SDK2: variants seen among roughly 807,000 people sequenced by gnomAD.
SDK2 encodes sidekick cell adhesion molecule 2.
SDK2 carries 105 observed loss-of-function variants against 253.9 expected under a neutral mutation model. The ratio of observed to expected loss-of-function variants is 0.41; its 90% CI spans 0.35 to 0.49. The LOEUF (loss-of-function observed/expected upper bound fraction) is 0.49, where lower values mean the gene tolerates loss of function less well. SDK2 is among the 20% of genes least tolerant of loss of function. The pLI is 0.06. For missense variants in SDK2, 2,608 were observed against 3,003.0 expected, an observed-to-expected ratio of 0.87 and a Z score of 3.07; for synonymous variants, 1,249 against 1,234.9, an observed-to-expected ratio of 1.01 and a Z score of -0.24.
At chr17:73,554,303 C>T (rs2045110176) in intron 1 of SDK2, among the ~76,000 whole-genome samples, 1 of 152,182 alleles carries the variant, frequency 6.6e-6, no homozygotes, top group African/African-American at 2.4e-5. Flanking sequence ...AAACTTCCTG[C>T]CCCCAAAATT....
rs1388245239 is a variant in SDK2 at position 73,470,469 on chromosome 17, C to A, written c.331+1643G>T. On this transcript the variant is annotated intron_variant, in intron 3 of 44. Coordinates refer to ENST00000392650, the MANE Select transcript of SDK2 (RefSeq NM_001144952.2). ...CACATATGCAGTCTCTCTAGAGGCCCAGCCTCAGCTTCCCCCTGCCCCCTG... is the reference window on the plus strand; with the variant it reads ...CACATATGCAGTCTCTCTAGAGGCCAAGCCTCAGCTTCCCCCTGCCCCCTG... 4.3e-4 allele frequency among the ~76,000 whole-genome samples: 66 copies of A among 152,214 alleles called. 1 individual carries two copies. Among genetic ancestry groups the A allele is most frequent in the Admixed American group, 4.3e-3 (66 of 15,284 alleles).
chr17:73,354,810 T>G (rs1292593545), intron 40 of SDK2, among the ~76,000 whole-genome samples: 1 of 152,068 alleles, frequency 6.6e-6, no homozygotes, highest in African/African-American at 2.4e-5. Flanking sequence ...TTCTGCACCC[T>G]CTGGTTGAAG....
chr17:73,503,410 T>C (rs141504884), intron 2 of SDK2, among the ~76,000 whole-genome samples: 71 of 152,348 alleles, frequency 4.7e-4, no homozygotes, highest in African/African-American at 1.6e-3. Flanking sequence ...TGAAGTGACA[T>C]GATGTCTACA....
chr17:73,529,533 C>A (rs78340981), intron 1 of SDK2, among the ~76,000 whole-genome samples: 8,790 of 152,150 alleles, frequency 0.058, 737 homozygotes, highest in African/African-American at 0.19. Context: ...AGAATGGGAC[C>A]TTAATTTGGA....
intron 2 of SDK2, among the ~76,000 whole-genome samples, chr17:73,480,081 C>T (rs2063711876): frequency 6.6e-6 from 1 of 152,184 alleles, no homozygotes; most frequent in Non-Finnish European, 1.5e-5. Context: ...AGGACTTTAA[C>T]GTATCCACTC....
chr17:73,377,072 C>CCTGTGGGATGAGGTGCCTTG (rs1568371968), intron 36 of SDK2, among the ~76,000 whole-genome samples: 2 of 152,284 alleles, frequency 1.3e-5, no homozygotes, highest in East Asian at 3.9e-4. Flanking sequence ...CTACTCCCCA[C>CCTGTGGGATGAGGTGCCTTG]TTAAGCCATG....
intron 2 of SDK2, among the ~76,000 whole-genome samples, chr17:73,479,995 A>G (rs868315009): frequency 2.6e-5 from 4 of 152,178 alleles, no homozygotes; most frequent in South Asian, 2.1e-4. Context: ...ACCTGACCTA[A>G]GTTTTATTTT....
chr17:73,539,808 G>A (rs937652210), intron 1 of SDK2, among the ~76,000 whole-genome samples: 5 of 88,186 alleles, frequency 5.7e-5, no homozygotes, highest in Non-Finnish European at 1.1e-4. Flanking sequence ...AACGTGGGCA[G>A]AGACACACGG....
chr17:73,568,051 T>C (rs780194935), intron 1 of SDK2, among the ~76,000 whole-genome samples: 12 of 152,328 alleles, frequency 7.9e-5, no homozygotes, highest in Non-Finnish European at 1.2e-4. Context: ...TGATATGGTT[T>C]GGATATGTGT....
In SDK2 at chr17:73,509,902, C is replaced by CAAAAAAA. The variant is rs71157018; in HGVS notation, c.65-2312_65-2306dup. ...GCAACAGAGCAAGACTCCATCTCTACAAAAAAAAAAAAAAAAAAAAGAAGG... is the reference window on the plus strand; with the variant it reads ...GCAACAGAGCAAGACTCCATCTCTACAAAAAAAAAAAAAAAAAAAAAAAAAAAGAAGG... On this transcript the variant is annotated intron_variant, in intron 1 of 44. Coordinates refer to ENST00000392650, the MANE Select transcript of SDK2 (RefSeq NM_001144952.2). Among the ~76,000 whole-genome samples, 31 of 25,382 alleles carry CAAAAAAA rather than the reference C, an allele frequency of 1.2e-3. 6 individuals are homozygous for CAAAAAAA. The highest frequency in any genetic ancestry group is 3.8e-3 in the East Asian group (3 of 790). 16.7% of individuals were successfully genotyped at this position (25,382 alleles called of 152,430 possible).
chr17:73,563,600 C>T (rs2045269715), intron 1 of SDK2, among the ~76,000 whole-genome samples: 2 of 152,066 alleles, frequency 1.3e-5, no homozygotes, highest in African/African-American at 2.4e-5. Flanking sequence ...TCTTTGTGCC[C>T]TTTTGTAATC....
At position 73,525,668 on chromosome 17, in the gene SDK2, C is replaced by T. The variant is rs538721197; in HGVS notation, c.65-18071G>A. On this transcript the variant is annotated intron_variant, in intron 1 of 44. Coordinates refer to ENST00000392650, the MANE Select transcript of SDK2 (RefSeq NM_001144952.2). The stretch of plus-strand genomic sequence containing the variant: ...CTGGCATCAGAACCTTCTCTCCAAA[C>T]GGCCCCGCAGGATCCCATCCCTATC... 1.2e-3 allele frequency among the ~76,000 whole-genome samples: 180 copies of T among 152,250 alleles called. 2 individuals carry two copies. The South Asian group carries it at 0.02, about 17-fold the overall frequency.
Position 73,338,612 on chromosome 17 carries a change from A to G in SDK2, c.6494T>C (p.Ile2165Thr), listed in dbSNP as rs371599529. The part of the protein sequence containing the change: ...SSLAPGSRAP[I>T]AGFSSFV ...TCAAACAAATGATGAAAATCCTGCT[A>G]TGGGAGCCCGGGAGCCTGGGGCCAG... Residue 2165 changes from isoleucine to threonine, a missense_variant, in exon 45 of 45, where the codon ATA becomes ACA. By Grantham distance (89) the Ile-to-Thr change is moderately conservative (BLOSUM62 -1). Around this residue, in one of 2 missense-constraint regions of SDK2, gnomAD observed 1,103 missense variants for 1,143.9 expected, o/e 0.96. Coordinates refer to ENST00000392650, the MANE Select transcript of SDK2 (RefSeq NM_001144952.2). This position sits in a 1 kb window ranked among gnomAD's most constrained non-coding sequence, Gnocchi z 5.0. 14 of 1,525,046 alleles carry G rather than the reference A, an allele frequency of 9.2e-6. No individual in the cohort carries two copies. The highest frequency in any genetic ancestry group is 1.2e-5 in the Non-Finnish European group (14 of 1,141,768). 94.5% of individuals were successfully genotyped at this position (1,525,046 alleles called of 1,614,324 possible). A position where few individuals can be genotyped will look rare whatever the true frequency, so the allele number is the denominator to read the frequency against.
Position 73,454,024 on chromosome 17 carries a change from A to T in SDK2, c.479+1882T>A, listed in dbSNP as rs75391381. Among the ~76,000 whole-genome samples the T allele has an allele frequency of 7.3e-3, 1,109 of 152,346 alleles. 17 individuals are homozygous for T. The highest frequency in any genetic ancestry group is 0.025 in the African/African-American group (1,055 of 41,578). On this transcript the variant is annotated intron_variant, in intron 4 of 44. Transcript: ENST00000392650. The stretch of plus-strand genomic sequence containing the variant: ...CCTATATTTAGATATGTTTATTTAT[A>T]CAAATACTTACCATTGTGTTACAAT...
chr17:73,365,484 G>T, intron 37 of SDK2, 89 bp from the exon 38 acceptor site: 1 of 1,378,474 alleles, frequency 7.3e-7, no homozygotes. Context: ...CGGGAGTATT[G>T]GGTCTGAGCC....
At position 73,361,455 on chromosome 17, in the gene SDK2, G is replaced by GC. The variant is rs1599483996; in HGVS notation, c.5467+228dup. Among the ~76,000 whole-genome samples the GC allele has an allele frequency of 6.6e-6, 1 of 152,152 alleles. No individual in the cohort carries two copies. The highest frequency in any genetic ancestry group is 1.9e-4 in the East Asian group (1 of 5,172). ...CTGGGCCTAAGTGGGAGAGGAGGGG[G>GC]CGCTGCTCCAGGGTTTGTGGCTTGA... On this transcript the variant is annotated intron_variant, in intron 39 of 44. Transcript: ENST00000392650. The surrounding 1 kb of genome is among the most constrained non-coding windows in gnomAD (Gnocchi z 4.1).
chr17:73,442,695 CA>C (rs1022789954), intron 5 of SDK2, among the ~76,000 whole-genome samples: 1 of 152,070 alleles, frequency 6.6e-6, no homozygotes, highest in Non-Finnish European at 1.5e-5. Flanking sequence ...GGATGCCTGG[CA>C]CACAGTAAGT....
intron 3 of SDK2, among the ~76,000 whole-genome samples, chr17:73,462,603 T>C (rs11870889): frequency 0.85 from 128,969 of 152,138 alleles, 56,050 homozygotes; most frequent in Middle Eastern, 0.96. Flanking sequence ...CATGTTTACA[T>C]ATATGTGCCT....
At chr17:73,428,769 C>T (rs1599557509) in intron 12 of SDK2, among the ~76,000 whole-genome samples, 1 of 152,130 alleles carries the variant, frequency 6.6e-6, no homozygotes, top group Admixed American at 6.5e-5. Context: ...CCCGTCCCCC[C>T]AGTCCAAGGA....
Sources: allele counts gnomAD v4.1 joint callset (sites outside exome capture counted in the v4.1 genomes callset), GRCh38; gene constraint gnomAD v4.1.1; regional missense constraint gnomAD v4.1.1; non-coding constraint Gnocchi (gnomAD v3.1); transcripts MANE v1.5; gene names NCBI Gene and HGNC (gene_info 2026-07-23, HGNC 2026-07-21).